Variants in KIF13A observed in about 807,000 individuals in gnomAD.
The protein encoded by KIF13A is kinesin family member 13A.
In KIF13A, 79 loss-of-function variants were observed where a neutral mutation model predicts 212.2. The ratio of observed to expected loss-of-function variants is 0.37; its 90% CI spans 0.31 to 0.45. The LOEUF is 0.45. Among genes scored for constraint, KIF13A ranks in the 20% least tolerant of loss-of-function variants. KIF13A has a pLI of 1.00. For synonymous variants in KIF13A, 789 were observed against 808.6 expected, an observed-to-expected ratio of 0.98 and a Z score of 0.41; for missense variants, 1,901 against 2,209.0, an observed-to-expected ratio of 0.86 and a Z score of 2.79.
At chr6:17,945,982 ATCTC>A (rs1265139991) in intron 2 of KIF13A, among the ~76,000 whole-genome samples, 14 of 152,212 alleles carry the variant, frequency 9.2e-5, no homozygotes, top group Admixed American at 9.2e-4. Context: ...GGCGAAATTA[ATCTC>A]TACTTCATAC....
chr6:17,956,235 T>C (rs1778345272), intron 2 of KIF13A, among the ~76,000 whole-genome samples: 1 of 152,186 alleles, frequency 6.6e-6, no homozygotes, highest in African/African-American at 2.4e-5. Flanking sequence ...CAGTAATAAG[T>C]GAAAAGGCTA....
rs1581875839 is a variant in KIF13A, at chr6:17,963,685, T to C, written c.146+23369A>G. On this transcript the variant is annotated intron_variant, in intron 2 of 38. Transcript: ENST00000259711. The surrounding 1 kb of genome is among the most constrained non-coding windows in gnomAD (Gnocchi z 4.1). ...GATTCCCCTGCCTCAGGCTCCCAAGTAGCTGGGATTACAGGCACGCGCCAC... is the reference window on the plus strand; with the variant it reads ...GATTCCCCTGCCTCAGGCTCCCAAGCAGCTGGGATTACAGGCACGCGCCAC... Among the ~76,000 whole-genome samples, 2 of 152,296 alleles carry C rather than the reference T, an allele frequency of 1.3e-5. No individual in the cohort carries two copies. Among genetic ancestry groups the C allele is most frequent in the Admixed American group, 1.3e-4 (2 of 15,306 alleles).
intron 17 of KIF13A, among the ~76,000 whole-genome samples, chr6:17,813,222 A>C (rs931983329): frequency 1.3e-5 from 2 of 152,190 alleles, no homozygotes; most frequent in Admixed American, 6.5e-5. Context: ...GCTCACGCTT[A>C]TAATCCCAAC....
Position 17,914,785 on chromosome 6 carries a change from G to C in KIF13A, c.147-16605C>G, listed in dbSNP as rs971512693. The stretch of plus-strand genomic sequence containing the variant: ...GCGAGCCTAGTAAGAAACTCACCCT[G>C]CGTTAACCAAAACAAAATTAAGCAG... On this transcript the variant is annotated intron_variant, in intron 2 of 38. Coordinates refer to ENST00000259711, the MANE Select transcript of KIF13A (RefSeq NM_022113.6). The surrounding 1 kb of genome is among the most constrained non-coding windows in gnomAD (Gnocchi z 5.9). 2.6e-5 allele frequency among the ~76,000 whole-genome samples: 4 copies of C among 152,146 alleles called. No homozygotes were observed. The highest frequency in any genetic ancestry group is 5.9e-5 in the Non-Finnish European group (4 of 68,038).
At position 17,794,186 on chromosome 6, in the gene KIF13A, G is replaced by T; in HGVS notation, c.3222+63C>A. On this transcript the variant is annotated intron_variant, in intron 25 of 38. Transcript: ENST00000259711. The surrounding 1 kb of genome is among the most constrained non-coding windows in gnomAD (Gnocchi z 4.1). ...AGAGTTCTGTTATATTGGCAAAGAG[G>T]TCCCCCTGGGACCTGCATTAACCAA... is the stretch of plus-strand genomic sequence containing the variant. 1 of 1,304,250 alleles carries T rather than the reference G, an allele frequency of 7.7e-7. No individual in the cohort carries two copies. Among genetic ancestry groups the T allele is most frequent in the Non-Finnish European group, 1.1e-6 (1 of 933,488 alleles). 80.8% of individuals were successfully genotyped at this position (1,304,250 alleles called of 1,614,324 possible).
intron 3 of KIF13A, among the ~76,000 whole-genome samples, chr6:17,894,684 A>G (rs1013719705): frequency 6.6e-6 from 1 of 152,136 alleles, no homozygotes; most frequent in African/African-American, 2.4e-5. Context: ...ATTATTCATA[A>G]CTAAACTTCA....
rs1451084188 is a variant in KIF13A at position 17,855,436 on chromosome 6, CCCTTTG to C, written c.489_494del (p.Lys164_Gly165del). The C allele has an allele frequency of 6.2e-7, 1 of 1,605,210 alleles. No individual in the cohort carries two copies. The highest frequency in any genetic ancestry group is 8.5e-7 in the Non-Finnish European group (1 of 1,175,414). On this transcript the variant is annotated inframe_deletion and splice_region_variant, in exon 6 of 39. Transcript: ENST00000259711. This position sits in a 1 kb window ranked among gnomAD's most constrained non-coding sequence, Gnocchi z 4.1. ...ACACTTAATCTTGACCACTAACTTA[CCCTTTG>C]GGGTCTAAAAGATCCCGAACTTTCT...
At chr6:17,974,116 C>T (rs1780059595) in intron 2 of KIF13A, among the ~76,000 whole-genome samples, 2 of 152,158 alleles carry the variant, frequency 1.3e-5, no homozygotes, top group African/African-American at 4.8e-5. Context: ...GAGTCTTGCT[C>T]TGTCACCCAA....
At position 17,774,941 on chromosome 6, in the gene KIF13A, TA is replaced by T. The variant is rs1759810610; in HGVS notation, c.4218+73del. On this transcript the variant is annotated intron_variant, in intron 35 of 38. Transcript: ENST00000259711. ...TCAACCAGGTGAGGCCCAGAGATTT[TA>T]AAAACACCAAGATCCCACAACTTTC... 3 of 1,233,574 alleles carry T rather than the reference TA, an allele frequency of 2.4e-6. No individual in the cohort carries two copies. The Admixed American group carries it at 6.7e-5, about 27-fold the overall frequency. 76.4% of individuals were successfully genotyped at this position (1,233,574 alleles called of 1,614,324 possible).
At position 17,892,188 on chromosome 6, in the gene KIF13A, C is replaced by T. The variant is rs1772125946; in HGVS notation, c.159+5980G>A. Among the ~76,000 whole-genome samples the T allele has an allele frequency of 6.6e-6, 1 of 152,188 alleles. No individual in the cohort carries two copies. The highest frequency in any genetic ancestry group is 2.4e-5 in the African/African-American group (1 of 41,438). ...TTATGTTGATTTGATTTTTCATTCACTCAGTTTCAAATCCGAGACATCTCT... is the reference window on the plus strand; with the variant it reads ...TTATGTTGATTTGATTTTTCATTCATTCAGTTTCAAATCCGAGACATCTCT... On this transcript the variant is annotated intron_variant, in intron 3 of 38. Coordinates refer to ENST00000259711, the MANE Select transcript of KIF13A (RefSeq NM_022113.6). This position sits in a 1 kb window ranked among gnomAD's most constrained non-coding sequence, Gnocchi z 4.7.
intron 2 of KIF13A, among the ~76,000 whole-genome samples, chr6:17,962,064 T>C (rs1212570153): frequency 6.6e-6 from 1 of 152,184 alleles, no homozygotes; most frequent in Non-Finnish European, 1.5e-5. Flanking sequence ...TGGTGGTTCA[T>C]GCCTGTAGTC....
chr6:17,776,637 A>C lies in KIF13A; in HGVS notation c.4170+640T>G, dbSNP rs574543000. ...AAATAATTTTCTGGCAATTCTAGAG[A>C]ACAGGAAGGCAAATAAGCCTGTGTT... On this transcript the variant is annotated intron_variant, in intron 34 of 38. Coordinates refer to ENST00000259711, the MANE Select transcript of KIF13A (RefSeq NM_022113.6). The surrounding 1 kb of genome is among the most constrained non-coding windows in gnomAD (Gnocchi z 4.6). Among the ~76,000 whole-genome samples, 19 of 152,320 alleles carry C rather than the reference A, an allele frequency of 1.2e-4. 1 individual carries two copies. The South Asian group carries it at 3.7e-3, about 30-fold the overall frequency.
chr6:17,893,636 G>A (rs1331987938), intron 3 of KIF13A, among the ~76,000 whole-genome samples: 1 of 151,988 alleles, frequency 6.6e-6, no homozygotes, highest in Non-Finnish European at 1.5e-5. Flanking sequence ...TAAGTGGTTA[G>A]ATCAATATCC....
chr6:17,945,212 C>A (rs949577870), intron 2 of KIF13A, among the ~76,000 whole-genome samples: 2 of 152,144 alleles, frequency 1.3e-5, no homozygotes, highest in African/African-American at 4.8e-5. Flanking sequence ...TCTGGAACTA[C>A]AACTAGATGA....
intron 2 of KIF13A, among the ~76,000 whole-genome samples, chr6:17,916,411 A>C (rs1404010968): frequency 6.6e-6 from 1 of 152,220 alleles, no homozygotes; most frequent in African/African-American, 2.4e-5. Context: ...AGCAGAATTC[A>C]CTATGAGGCA....
At chr6:17,779,181 G>A in intron 32 of KIF13A, 82 bp from the exon 33 acceptor site, 1 of 1,129,690 alleles carries the variant, frequency 8.9e-7, no homozygotes, top group Non-Finnish European at 1.3e-6. Flanking sequence ...CGTTTTAGAA[G>A]TCTGGAGAAT....
At chr6:17,800,239 G>T in intron 20 of KIF13A, 126 bp from the exon 21 acceptor site, 1 of 830,396 alleles carries the variant, frequency 1.2e-6, no homozygotes, top group Non-Finnish European at 1.8e-6. Context: ...GGTCGTCTTC[G>T]GCAACGGGAG....
At chr6:17,890,850 A>G (rs1209782673) in intron 3 of KIF13A, among the ~76,000 whole-genome samples, 3 of 150,592 alleles carry the variant, frequency 2.0e-5, no homozygotes, top group African/African-American at 7.4e-5. Flanking sequence ...GTTAAAGACA[A>G]GGTCTCCTTA....
intron 16 of KIF13A, among the ~76,000 whole-genome samples, chr6:17,818,010 A>G (rs3806963): frequency 0.43 from 65,543 of 152,024 alleles, 14,289 homozygotes; most frequent in South Asian, 0.47. Flanking sequence ...AATGACCAAT[A>G]AGCTGGATAC....
Sources: allele counts gnomAD v4.1 joint callset (sites outside exome capture counted in the v4.1 genomes callset), GRCh38; gene constraint gnomAD v4.1.1; non-coding constraint Gnocchi (gnomAD v3.1); transcripts MANE v1.5; gene names NCBI Gene and HGNC (gene_info 2026-07-23, HGNC 2026-07-21).